The following PTPRO variants were observed in gnomAD, a reference collection of about 807,000 sequenced individuals.
The protein encoded by PTPRO is protein tyrosine phosphatase receptor type O.
Under a neutral mutation model 145.2 loss-of-function variants are expected in PTPRO, and 62 were observed. The observed-to-expected ratio is 0.43, with a 90% CI of 0.35 to 0.53. The LOEUF (loss-of-function observed/expected upper bound fraction) is 0.53. Among genes scored for constraint, PTPRO ranks in the 20% least tolerant of loss-of-function variants. PTPRO has a pLI of 0.01. For missense variants in PTPRO, 1,345 were observed against 1,482.7 expected, an observed-to-expected ratio of 0.91 and a Z score of 1.53; for synonymous variants, 565 against 514.7, an observed-to-expected ratio of 1.10 and a Z score of -1.32.
chr12:15,512,137 T>C (rs2136491010), intron 7 of PTPRO, among the ~76,000 whole-genome samples: 1 of 151,984 alleles, frequency 6.6e-6, no homozygotes, highest in African/African-American at 2.4e-5. Context: ...GTTATTGAGA[T>C]GGAGTCTTGC....
intron 1 of PTPRO, among the ~76,000 whole-genome samples, chr12:15,388,801 A>G (rs1939102838): frequency 6.6e-6 from 1 of 152,156 alleles, no homozygotes; most frequent in African/African-American, 2.4e-5. Flanking sequence ...CCTTAAAATA[A>G]TTTTGTTCTC....
intron 8 of PTPRO, among the ~76,000 whole-genome samples, chr12:15,516,046 A>T (rs1205188150): frequency 7.5e-6 from 1 of 133,270 alleles, no homozygotes; most frequent in African/African-American, 2.8e-5. Context: ...GTTGGAATGC[A>T]GTGGTGCAAT....
intron 12 of PTPRO, among the ~76,000 whole-genome samples, chr12:15,530,020 T>A (rs1048354082): frequency 1.3e-5 from 2 of 151,798 alleles, no homozygotes; most frequent in African/African-American, 4.8e-5. Context: ...AGTGAAGGGG[T>A]GGAAAAAGAT....
rs199781698 is a variant in PTPRO at position 15,580,879 on chromosome 12, A to G, written c.3132+48A>G. 5.6e-5 allele frequency: 90 copies of G among 1,609,112 alleles called. No individual in the cohort carries two copies. The African/African-American group carries it at 1.1e-3, about 20-fold the overall frequency. The stretch of plus-strand genomic sequence containing the variant: ...CCCACTTAGCAGCAAAACCTGCCCT[A>G]GCCACTGCCGTTGATGAAATGCTTG... On this transcript the variant is annotated intron_variant, in intron 22 of 26. Transcript: ENST00000281171.
intron 15 of PTPRO, among the ~76,000 whole-genome samples, chr12:15,555,958 G>A (rs566660127): frequency 6.6e-6 from 1 of 152,250 alleles, no homozygotes; most frequent in African/African-American, 2.4e-5. Context: ...AATATTTCAA[G>A]ATATCTGCAG....
In PTPRO at chr12:15,581,814, G is replaced by A. The variant is rs1390467906; in HGVS notation, c.3255+13G>A. On this transcript the variant is annotated intron_variant, in intron 23 of 26. Transcript: ENST00000281171. Reference sequence around the variant, plus strand: ...CCGGATCAACTATGTAAGTCACCAGGCAGAGAGCAGGTGCTGTCCCTATGC... The same window carrying A: ...CCGGATCAACTATGTAAGTCACCAGACAGAGAGCAGGTGCTGTCCCTATGC... The A allele has an allele frequency of 6.2e-7, 1 of 1,613,502 alleles. No homozygotes were observed. The highest frequency in any genetic ancestry group is 1.3e-5 in the African/African-American group (1 of 75,000).
chr12:15,572,726 G>A (rs1944083483), intron 19 of PTPRO, among the ~76,000 whole-genome samples: 1 of 151,798 alleles, frequency 6.6e-6, no homozygotes, highest in South Asian at 2.1e-4. Flanking sequence ...TTTTTTTTAA[G>A]TACATTTTCT....
intron 1 of PTPRO, among the ~76,000 whole-genome samples, chr12:15,431,800 A>G (rs1241498760): frequency 6.6e-6 from 1 of 152,190 alleles, no homozygotes; most frequent in African/African-American, 2.4e-5. Context: ...ATAACTGTTT[A>G]TGATTCTTAT....
intron 5 of PTPRO, among the ~76,000 whole-genome samples, chr12:15,502,834 T>C (rs1316830385): frequency 2.0e-5 from 3 of 152,156 alleles, no homozygotes; most frequent in Non-Finnish European, 4.4e-5. Context: ...TCATTTTCCA[T>C]TTTCTGATCT....
chr12:15,348,145 C>T (rs1030979457), intron 1 of PTPRO: 5 of 152,142 alleles, frequency 3.3e-5, no homozygotes, highest in African/African-American at 1.2e-4. Flanking sequence ...GATTAAGGAC[C>T]TTACAACAGC....
At chr12:15,368,545 G>A (rs566264733) in intron 1 of PTPRO, among the ~76,000 whole-genome samples, 1 of 152,260 alleles carries the variant, frequency 6.6e-6, no homozygotes, top group East Asian at 1.9e-4. Flanking sequence ...ATCCACAGCA[G>A]TTAGAACATT....
At chr12:15,369,354 T>C (rs1357610165) in intron 1 of PTPRO, among the ~76,000 whole-genome samples, 1 of 152,154 alleles carries the variant, frequency 6.6e-6, no homozygotes, top group African/African-American at 2.4e-5. Flanking sequence ...CAGTTTCTCA[T>C]TCACCTGCTC....
intron 1 of PTPRO, among the ~76,000 whole-genome samples, chr12:15,471,116 A>C (rs1307186268): frequency 6.6e-6 from 1 of 152,236 alleles, no homozygotes; most frequent in African/African-American, 2.4e-5. Context: ...TCATTTTGAA[A>C]CCATAAAGAA....
rs574395836 is a variant in PTPRO, at chr12:15,415,199, CT to C, written c.76-68769del. Among the ~76,000 whole-genome samples, 19 of 152,178 alleles carry C rather than the reference CT, an allele frequency of 1.2e-4. No homozygotes were observed. In the South Asian group the frequency reaches 3.9e-3, roughly 32 times the overall value. On this transcript the variant is annotated intron_variant, in intron 1 of 26. Coordinates refer to ENST00000281171, the MANE Select transcript of PTPRO (RefSeq NM_030667.3). ...AAAATCCATAAATAACCTAAATTCT[CT>C]TTTTTCCTGGCCCGTCCAGCTACCT... is the stretch of plus-strand genomic sequence containing the variant.
intron 1 of PTPRO, among the ~76,000 whole-genome samples, chr12:15,393,628 A>ATT (rs56808064): frequency 1.1e-4 from 16 of 141,958 alleles, no homozygotes; most frequent in African/African-American, 1.8e-4. Context: ...GTACACTAGG[A>ATT]TTTTTTTTTT....
chr12:15,325,641 C>G (rs896504092), intron 1 of PTPRO, among the ~76,000 whole-genome samples: 3 of 152,160 alleles, frequency 2.0e-5, no homozygotes, highest in African/African-American at 7.2e-5. Context: ...ATTTATCTGG[C>G]GAGCCTCGCT....
chr12:15,595,349 G>C (rs1357430491), intron 26 of PTPRO: 1 of 379,154 alleles, frequency 2.6e-6, no homozygotes, highest in Non-Finnish European at 5.1e-6. Flanking sequence ...TTCTGTTATT[G>C]GATCTGTGCC....
intron 22 of PTPRO, among the ~76,000 whole-genome samples, chr12:15,581,422 C>T (rs1002686521): frequency 1.1e-4 from 17 of 151,894 alleles, no homozygotes; most frequent in African/African-American, 4.1e-4. Flanking sequence ...CTGCCTCAGC[C>T]TCCCGAGTAG....
At chr12:15,530,032 T>C (rs539319082) in intron 12 of PTPRO, among the ~76,000 whole-genome samples, 1 of 152,258 alleles carries the variant, frequency 6.6e-6, no homozygotes, top group South Asian at 2.1e-4. Flanking sequence ...GAAAAAGATA[T>C]TCCATGCAAC....
Sources: gnomAD v4.1 joint callset for allele counts (sites outside exome capture counted in the v4.1 genomes callset) on GRCh38, gnomAD v4.1.1 for gene constraint, MANE v1.5 for transcripts, NCBI Gene and HGNC (gene_info 2026-07-23, HGNC 2026-07-21) for gene names.